TRPM3: variants seen among roughly 807,000 people sequenced by gnomAD.
TRPM3 encodes transient receptor potential cation channel subfamily M member 3, also known as long transient receptor potential channel 3.
Under a neutral mutation model 181.2 loss-of-function variants are expected in TRPM3, and 77 were observed. That is an observed-to-expected ratio of 0.42 (90% CI 0.35 to 0.51). TRPM3 has a LOEUF of 0.51. Among genes scored for constraint, TRPM3 ranks in the 20% least tolerant of loss-of-function variants. The pLI is 0.01. For missense variants in TRPM3, 1,759 were observed against 2,196.7 expected (o/e 0.80, Z 3.98); for synonymous variants, 745 against 796.4 (o/e 0.94, Z 1.09).
At chr9:70,940,512 T>C (rs1474530513) in intron 1 of TRPM3, among the ~76,000 whole-genome samples, 1 of 152,236 alleles carries the variant, frequency 6.6e-6, no homozygotes, top group Non-Finnish European at 1.5e-5. Context: ...CTAAGTGCTA[T>C]GCTAGGTGAT....
chr9:70,937,735 ACTTGAACTC>A (rs1447127481), intron 1 of TRPM3, among the ~76,000 whole-genome samples: 3 of 152,148 alleles, frequency 2.0e-5, no homozygotes, highest in Middle Eastern at 3.4e-3. Context: ...AACTGGGTGG[ACTTGAACTC>A]CTTTTTCAAA....
intron 19 of TRPM3, among the ~76,000 whole-genome samples, chr9:70,606,010 A>G (rs2061024359): frequency 6.6e-6 from 1 of 152,230 alleles, no homozygotes; most frequent in Non-Finnish European, 1.5e-5. Flanking sequence ...TCTGAATACA[A>G]GTCTAATGTG....
At chr9:70,866,487 A>C (rs1159265223) in intron 1 of TRPM3, among the ~76,000 whole-genome samples, 1 of 152,080 alleles carries the variant, frequency 6.6e-6, no homozygotes, top group Non-Finnish European at 1.5e-5. Flanking sequence ...CTCATCTATA[A>C]AATGGAGACA....
intron 8 of TRPM3, among the ~76,000 whole-genome samples, chr9:70,738,903 T>C (rs114758225): frequency 0.048 from 7,283 of 152,062 alleles, 227 homozygotes; most frequent in South Asian, 0.11. Flanking sequence ...TCTGAAAATA[T>C]ACAGCACTCC....
At chr9:71,382,429 T>G (rs2092822592) in intron 1 of TRPM3, among the ~76,000 whole-genome samples, 1 of 152,136 alleles carries the variant, frequency 6.6e-6, no homozygotes, top group Non-Finnish European at 1.5e-5. Flanking sequence ...ATCATGCTAT[T>G]GGAAAATAGT....
At chr9:71,053,410 A>G (rs1324000141) in intron 1 of TRPM3, among the ~76,000 whole-genome samples, 3 of 152,044 alleles carry the variant, frequency 2.0e-5, no homozygotes, top group Non-Finnish European at 4.4e-5. Context: ...AGAAATGAAA[A>G]GGTATATTAT....
At chr9:71,326,168 G>GT (rs981678167) in intron 1 of TRPM3, among the ~76,000 whole-genome samples, 39 of 152,314 alleles carry the variant, frequency 2.6e-4, no homozygotes, top group African/African-American at 9.1e-4. Flanking sequence ...AAGAACATAT[G>GT]TAGTTATTGA....
intron 1 of TRPM3, among the ~76,000 whole-genome samples, chr9:71,019,500 T>C (rs910051195): frequency 1.3e-5 from 2 of 152,070 alleles, no homozygotes; most frequent in African/African-American, 4.8e-5. Flanking sequence ...CAAAAATCTT[T>C]AAATGCCTAA....
At chr9:71,330,187 C>T (rs2090008134) in intron 1 of TRPM3, among the ~76,000 whole-genome samples, 2 of 151,822 alleles carry the variant, frequency 1.3e-5, no homozygotes, top group East Asian at 3.8e-4. Context: ...GAACATCTCC[C>T]TAATCTTGGC....
chr9:70,624,086 C>T (rs972577399), intron 14 of TRPM3, among the ~76,000 whole-genome samples: 3 of 152,158 alleles, frequency 2.0e-5, no homozygotes, highest in African/African-American at 7.2e-5. Context: ...CCCCCACCTC[C>T]ACCATGACTT....
intron 1 of TRPM3, among the ~76,000 whole-genome samples, chr9:70,956,093 G>A (rs2097066890): frequency 6.6e-6 from 1 of 152,096 alleles, no homozygotes; most frequent in African/African-American, 2.4e-5. Flanking sequence ...GTGCCCGATT[G>A]AGAATCACAT....
chr9:71,440,916 T>G (rs748460052), intron 1 of TRPM3, among the ~76,000 whole-genome samples: 30 of 152,214 alleles, frequency 2.0e-4, no homozygotes, highest in Non-Finnish European at 4.3e-4. Context: ...TATAAGTTAT[T>G]TTTAATGATT....
chr9:71,053,376 C>A (rs1268186700), intron 1 of TRPM3, among the ~76,000 whole-genome samples: 2 of 152,038 alleles, frequency 1.3e-5, no homozygotes, highest in African/African-American at 2.4e-5. Flanking sequence ...CAGCTCCATG[C>A]AGATTTTGAA....
At chr9:70,550,440 T>C (rs2046201849) in intron 24 of TRPM3, among the ~76,000 whole-genome samples, 1 of 152,232 alleles carries the variant, frequency 6.6e-6, no homozygotes, top group African/African-American at 2.4e-5. Context: ...ATTGTTGAGC[T>C]CTGGGCTCTT....
intron 7 of TRPM3, among the ~76,000 whole-genome samples, chr9:70,772,438 C>A (rs1003170545): frequency 2.6e-5 from 4 of 152,114 alleles, no homozygotes; most frequent in Admixed American, 2.0e-4. Context: ...CCACCTCAGC[C>A]TCCCAAGTAG....
At chr9:71,280,437 C>T (rs987963653) in intron 1 of TRPM3, among the ~76,000 whole-genome samples, 4 of 151,884 alleles carry the variant, frequency 2.6e-5, no homozygotes, top group African/African-American at 9.7e-5. Flanking sequence ...AGCACGCCTA[C>T]AAATCACAGA....
intron 1 of TRPM3, among the ~76,000 whole-genome samples, chr9:71,438,844 T>A (rs1220703904): frequency 6.6e-6 from 1 of 152,220 alleles, no homozygotes; most frequent in Non-Finnish European, 1.5e-5. Flanking sequence ...AAAGCTGGGT[T>A]ACAGGTTTAT....
At chr9:70,927,326 T>C (rs2096730548) in intron 1 of TRPM3, among the ~76,000 whole-genome samples, 1 of 152,182 alleles carries the variant, frequency 6.6e-6, no homozygotes. Flanking sequence ...CATTAAGCCA[T>C]GGATAAGACA....
chr9:70,766,146 T>C (rs755923731), intron 7 of TRPM3, among the ~76,000 whole-genome samples: 13 of 152,192 alleles, frequency 8.5e-5, no homozygotes, highest in Non-Finnish European at 1.6e-4. Context: ...GCTGTACTTA[T>C]GATCTGGAGC....
Sources: allele counts gnomAD v4.1 joint callset (sites outside exome capture counted in the v4.1 genomes callset), GRCh38; gene constraint gnomAD v4.1.1; transcripts MANE v1.5; gene names NCBI Gene and HGNC (gene_info 2026-07-23, HGNC 2026-07-21).